Variants in LAMC1 observed in about 807,000 individuals in gnomAD.
LAMC1 encodes laminin subunit gamma-1.
A neutral mutation model predicts 173.6 loss-of-function variants in LAMC1; 38 were observed. The ratio of observed to expected loss-of-function variants is 0.22; its 90% CI spans 0.17 to 0.29. LAMC1 has a LOEUF of 0.29. Ranked by LOEUF, LAMC1 falls within the 10% of genes least tolerant of loss-of-function variation. The pLI, the probability that LAMC1 is intolerant of heterozygous loss-of-function variation, is 1.00. For missense variants in LAMC1, 1,824 were observed against 2,051.8 expected (o/e 0.89, Z 2.14); for synonymous variants, 746 against 749.1 (o/e 1.00, Z 0.07).
At chr1:183,129,215 A>T (rs1656714179) in intron 18 of LAMC1, among the ~76,000 whole-genome samples, 1 of 149,200 alleles carries the variant, frequency 6.7e-6, no homozygotes, top group South Asian at 2.2e-4. Flanking sequence ...CCTCCCAAGT[A>T]CCTGGGACTA....
At chr1:183,057,936 A>G (rs1399987108) in intron 1 of LAMC1, among the ~76,000 whole-genome samples, 1 of 152,176 alleles carries the variant, frequency 6.6e-6, no homozygotes. Context: ...AGTTCAATGC[A>G]TAAGGAATTG....
At chr1:183,078,117 G>A (rs1462717887) in intron 1 of LAMC1, among the ~76,000 whole-genome samples, 4 of 152,084 alleles carry the variant, frequency 2.6e-5, no homozygotes, top group Non-Finnish European at 5.9e-5. Flanking sequence ...TTCTTGACTA[G>A]TTATGTATCC....
intron 24 of LAMC1, among the ~76,000 whole-genome samples, chr1:183,135,719 A>T (rs1185079394): frequency 6.7e-6 from 1 of 150,162 alleles, no homozygotes; most frequent in East Asian, 1.9e-4. Context: ...CCATCTCTAT[A>T]AAAAAAAATT....
At chr1:183,094,446 A>C (rs1337796529) in intron 1 of LAMC1, among the ~76,000 whole-genome samples, 1 of 152,164 alleles carries the variant, frequency 6.6e-6, no homozygotes, top group Non-Finnish European at 1.5e-5. Flanking sequence ...TCCTTACCCA[A>C]GCATGCTCCC....
At chr1:183,042,867 GCT>G (rs1026088962) in intron 1 of LAMC1, among the ~76,000 whole-genome samples, 28 of 152,116 alleles carry the variant, frequency 1.8e-4, no homozygotes, top group African/African-American at 6.8e-4. Context: ...ACACTGATGG[GCT>G]CTATGTCTAT....
At chr1:183,060,708 G>T (rs1654723295) in intron 1 of LAMC1, among the ~76,000 whole-genome samples, 1 of 152,214 alleles carries the variant, frequency 6.6e-6, no homozygotes. Flanking sequence ...GTTGATGCCA[G>T]ACACACAGTA....
At chr1:183,103,768 G>C in intron 2 of LAMC1, 136 bp downstream of exon 2, 1 of 660,396 alleles carries the variant, frequency 1.5e-6, no homozygotes, top group Admixed American at 3.3e-5. Flanking sequence ...CACAGACAGA[G>C]AGCTTGATTC....
intron 1 of LAMC1, among the ~76,000 whole-genome samples, chr1:183,028,300 G>A (rs183353710): frequency 5.9e-5 from 9 of 152,120 alleles, no homozygotes; most frequent in African/African-American, 1.9e-4. Context: ...TCATGTTATT[G>A]CCGGATATTC....
intron 27 of LAMC1, among the ~76,000 whole-genome samples, chr1:183,141,857 A>G (rs1227856462): frequency 7.2e-5 from 11 of 152,250 alleles, no homozygotes; most frequent in Admixed American, 3.3e-4. Context: ...CACTGATGTA[A>G]AATGGTCTTG....
At chr1:183,134,517 T>TA (rs1558060340) in intron 22 of LAMC1, 143 bp from the exon 23 acceptor site, 6 of 595,578 alleles carry the variant, frequency 1.0e-5, no homozygotes, top group African/African-American at 7.5e-5. Context: ...ATCTCATTTT[T>TA]TAAAAAAGTC....
rs1042314737 is a variant in LAMC1 at position 183,116,474 on chromosome 1, C to G, written c.1329-103C>G. The G allele has an allele frequency of 5.6e-6, 4 of 716,258 alleles. No homozygotes were observed. In the African/African-American group the frequency reaches 8.6e-5, roughly 15 times the overall value. The allele number at this position is 716,258 out of a possible 1,614,324, so 44.4% of individuals were successfully genotyped here. On this transcript the variant is annotated intron_variant, in intron 6 of 27. Coordinates refer to ENST00000258341, the MANE Select transcript of LAMC1 (RefSeq NM_002293.4). Reference sequence around the variant, plus strand: ...CCTGGGCGACAGTGTGAGACTCTGTCTCAAAAAAAAAAAAATCTGTTAACA... The same window carrying G: ...CCTGGGCGACAGTGTGAGACTCTGTGTCAAAAAAAAAAAAATCTGTTAACA...
intron 1 of LAMC1, among the ~76,000 whole-genome samples, chr1:183,087,154 A>G (rs932553977): frequency 1.3e-5 from 2 of 152,112 alleles, no homozygotes; most frequent in African/African-American, 2.4e-5. Context: ...TATTTTATCT[A>G]TGTATCTTCA....
intron 1 of LAMC1, among the ~76,000 whole-genome samples, chr1:183,043,202 G>T (rs1202362428): frequency 6.6e-6 from 1 of 151,912 alleles, no homozygotes; most frequent in Admixed American, 6.6e-5. Context: ...TAGGAAGATG[G>T]GTGTATGTTA....
chr1:183,134,530 TA>T, intron 22 of LAMC1, 129 bp from the exon 23 acceptor site: 1 of 654,182 alleles, frequency 1.5e-6, no homozygotes, highest in Non-Finnish European at 2.4e-6. Context: ...AAAAAGTCCA[TA>T]AAATCTTGAT....
chr1:183,135,890 CAAAAAAAAAAA>C (rs34380430), intron 24 of LAMC1, among the ~76,000 whole-genome samples: 2 of 104,090 alleles, frequency 1.9e-5, no homozygotes, highest in African/African-American at 7.6e-5. Flanking sequence ...CCTTGTCTCT[CAAAAAAAAAAA>C]AAAAAAAAGT....
chr1:183,087,386 G>C (rs1339774022), intron 1 of LAMC1, among the ~76,000 whole-genome samples: 2 of 152,096 alleles, frequency 1.3e-5, no homozygotes, highest in Non-Finnish European at 2.9e-5. Flanking sequence ...GATGAGTCCG[G>C]GCCCTCAAAA....
At chr1:183,068,971 A>G (rs914452652) in intron 1 of LAMC1, among the ~76,000 whole-genome samples, 6 of 152,080 alleles carry the variant, frequency 3.9e-5, no homozygotes, top group Non-Finnish European at 8.8e-5. Context: ...TGACACAGGT[A>G]TATACTTTAT....
intron 1 of LAMC1, 129 bp downstream of exon 1, chr1:183,024,263 C>G: frequency 1.1e-6 from 1 of 878,962 alleles, no homozygotes; most frequent in East Asian, 2.7e-5. Context: ...CCGGCATGGG[C>G]CACACAGAAA....
chr1:183,088,163 T>A (rs938064308), intron 1 of LAMC1, among the ~76,000 whole-genome samples: 4 of 152,238 alleles, frequency 2.6e-5, no homozygotes, highest in African/African-American at 9.6e-5. Context: ...TTTCTTTTAA[T>A]GTTGATCTGT....
Sources: gnomAD v4.1 joint callset for allele counts (sites outside exome capture counted in the v4.1 genomes callset) on GRCh38, gnomAD v4.1.1 for gene constraint, MANE v1.5 for transcripts, NCBI Gene and HGNC (gene_info 2026-07-23, HGNC 2026-07-21) for gene names.